The following AUTS2 variants were observed in gnomAD, a reference collection of about 807,000 sequenced individuals.
AUTS2 encodes the protein autism susceptibility gene 2 protein.
In AUTS2, 17 loss-of-function variants were observed where a neutral mutation model predicts 112.4. The observed-to-expected ratio is 0.15, with a 90% CI of 0.10 to 0.23. AUTS2 has a LOEUF of 0.23. Among genes scored for constraint, AUTS2 ranks in the 10% least tolerant of loss-of-function variants. AUTS2 has a pLI of 1.00. For missense variants in AUTS2, 1,510 were observed against 1,701.6 expected (o/e 0.89, Z 1.98); for synonymous variants, 751 against 702.7 (o/e 1.07, Z -1.09).
intron 4 of AUTS2, among the ~76,000 whole-genome samples, chr7:70,402,996 G>A (rs888633985): frequency 2.0e-5 from 3 of 152,140 alleles, no homozygotes; most frequent in Admixed American, 1.3e-4. Context: ...GTTATAGCTG[G>A]AAGGAGCTTA....
chr7:69,976,155 A>AT (rs1399364253), intron 2 of AUTS2, among the ~76,000 whole-genome samples: 1 of 151,878 alleles, frequency 6.6e-6, no homozygotes, highest in Non-Finnish European at 1.5e-5. Flanking sequence ...GAACAACTCC[A>AT]TTTTCCTTGC....
At chr7:69,728,723 T>G (rs549370797) in intron 1 of AUTS2, among the ~76,000 whole-genome samples, 4 of 151,536 alleles carry the variant, frequency 2.6e-5, no homozygotes, top group Non-Finnish European at 5.9e-5. Flanking sequence ...TTTTCCTCTT[T>G]GAAAAGAGAG....
In AUTS2 at chr7:69,992,595, T is replaced by C. The variant is rs183420730; in HGVS notation, c.522+93097T>C. ...AGCATGGGCCAGGTGTAGTGGCTCA[T>C]GTCCATAATCCCAGCACTTTGGGAA... On this transcript the variant is annotated intron_variant, in intron 2 of 18. Transcript: ENST00000342771. Among the ~76,000 whole-genome samples the C allele has an allele frequency of 3.2e-3, 486 of 152,310 alleles. 2 individuals carry two copies. Among genetic ancestry groups the C allele is most frequent in the Non-Finnish European group, 5.8e-3 (393 of 68,030 alleles).
chr7:70,184,372 TTTC>T (rs1334264257), intron 4 of AUTS2, among the ~76,000 whole-genome samples: 1 of 152,142 alleles, frequency 6.6e-6, no homozygotes, highest in African/African-American at 2.4e-5. Context: ...AGAACAAGAA[TTTC>T]TTCTTCTGAC....
chr7:70,422,596 G>A (rs1795268224), intron 4 of AUTS2, among the ~76,000 whole-genome samples: 1 of 152,076 alleles, frequency 6.6e-6, no homozygotes, highest in Admixed American at 6.5e-5. Context: ...GGCCAACCTG[G>A]TGAAACCCTG....
intron 4 of AUTS2, among the ~76,000 whole-genome samples, chr7:70,222,968 A>T (rs1405916845): frequency 6.6e-6 from 1 of 151,022 alleles, no homozygotes; most frequent in African/African-American, 2.4e-5. Flanking sequence ...GCTCACTGCA[A>T]CCTCTGCCTC....
At chr7:70,435,228 G>C (rs1716344427) in intron 4 of AUTS2, among the ~76,000 whole-genome samples, 1 of 152,164 alleles carries the variant, frequency 6.6e-6, no homozygotes, top group South Asian at 2.1e-4. Flanking sequence ...TGGCCATTAT[G>C]TTCTGTTTCC....
At chr7:70,630,659 A>G (rs1342437079) in intron 5 of AUTS2, among the ~76,000 whole-genome samples, 1 of 152,206 alleles carries the variant, frequency 6.6e-6, no homozygotes, top group Non-Finnish European at 1.5e-5. Flanking sequence ...ATCAGAATAT[A>G]TCCAAGGGTG....
intron 2 of AUTS2, among the ~76,000 whole-genome samples, chr7:70,099,001 CTTATACTGT>C (rs923976753): frequency 2.0e-5 from 3 of 151,936 alleles, no homozygotes; most frequent in Non-Finnish European, 4.4e-5. Flanking sequence ...TGTGCCTGGC[CTTATACTGT>C]TTTTTCTTAT....
intron 4 of AUTS2, among the ~76,000 whole-genome samples, chr7:70,220,553 A>G (rs1041179226): frequency 5.9e-5 from 9 of 152,196 alleles, no homozygotes; most frequent in Non-Finnish European, 1.0e-4. Context: ...AAAAGCCACC[A>G]TTGCTTTACA....
intron 2 of AUTS2, among the ~76,000 whole-genome samples, chr7:70,116,405 A>G (rs963061610): frequency 9.2e-5 from 14 of 152,186 alleles, no homozygotes; most frequent in African/African-American, 3.1e-4. Flanking sequence ...TAAAGACTAC[A>G]AGGAATGTTG....
chr7:69,742,111 C>CTTTTTTT (rs752148406), intron 1 of AUTS2, among the ~76,000 whole-genome samples: 2 of 125,714 alleles, frequency 1.6e-5, no homozygotes, highest in African/African-American at 3.1e-5. Flanking sequence ...CCTATTTTAC[C>CTTTTTTT]TTTTTTTTTT....
At chr7:70,238,664 GTT>G (rs5884776) in intron 4 of AUTS2, among the ~76,000 whole-genome samples, 1 of 148,332 alleles carries the variant, frequency 6.7e-6, no homozygotes. Flanking sequence ...TATTATTAGT[GTT>G]TTTTTTTTAA....
chr7:69,949,734 C>T (rs550002575), intron 2 of AUTS2, among the ~76,000 whole-genome samples: 3 of 152,214 alleles, frequency 2.0e-5, no homozygotes, highest in African/African-American at 7.2e-5. Flanking sequence ...GCTCTTCTTC[C>T]AAATGTTTCT....
At chr7:70,751,892 GTT>G (rs10556263) in intron 6 of AUTS2, among the ~76,000 whole-genome samples, 3,429 of 142,694 alleles carry the variant, frequency 0.024, 156 homozygotes, top group African/African-American at 0.078. Context: ...CCTAATTTTT[GTT>G]TTTTTTTTTT....
At chr7:70,113,400 G>A (rs1237794293) in intron 2 of AUTS2, among the ~76,000 whole-genome samples, 1 of 151,968 alleles carries the variant, frequency 6.6e-6, no homozygotes, top group Non-Finnish European at 1.5e-5. Flanking sequence ...TTCCCAATTT[G>A]GGGACAATTT....
chr7:70,380,468 C>A (rs1793317427), intron 4 of AUTS2, among the ~76,000 whole-genome samples: 1 of 152,190 alleles, frequency 6.6e-6, no homozygotes, highest in Non-Finnish European at 1.5e-5. Context: ...CAAAAGCAGT[C>A]CCCCTTTCCG....
At chr7:69,670,907 A>G (rs886642229) in intron 1 of AUTS2, among the ~76,000 whole-genome samples, 5 of 152,132 alleles carry the variant, frequency 3.3e-5, no homozygotes, top group African/African-American at 1.2e-4. Context: ...TTGAATAGAC[A>G]TTTCTGTGGC....
At chr7:70,608,332 T>G (rs1245345495) in intron 5 of AUTS2, among the ~76,000 whole-genome samples, 4 of 152,152 alleles carry the variant, frequency 2.6e-5, no homozygotes, top group Non-Finnish European at 5.9e-5. Context: ...CTCAAACTCC[T>G]GGGCTCAAGC....
Sources: allele counts gnomAD v4.1 joint callset (sites outside exome capture counted in the v4.1 genomes callset), GRCh38; gene constraint gnomAD v4.1.1; transcripts MANE v1.5; gene names NCBI Gene and HGNC (gene_info 2026-07-23, HGNC 2026-07-21).